Variants in CABCOCO1 observed in about 807,000 individuals in gnomAD.
The protein encoded by CABCOCO1 is ciliary-associated calcium-binding coiled-coil protein 1.
CABCOCO1 carries 28 observed loss-of-function variants against 35.7 expected under a neutral mutation model. The observed-to-expected ratio is 0.78, with a 90% CI of 0.58 to 1.07. The LOEUF (loss-of-function observed/expected upper bound fraction) is 1.07, where lower values mean the gene tolerates loss of function less well. Ranked by LOEUF, CABCOCO1 falls within the 50% of genes least tolerant of loss-of-function variation. CABCOCO1 has a pLI of 0.00. For synonymous variants in CABCOCO1, 95 were observed against 100.1 expected (o/e 0.95, Z 0.30); for missense variants, 326 against 309.2 (o/e 1.05, Z -0.41).
intron 5 of CABCOCO1, among the ~76,000 whole-genome samples, chr10:61,692,492 G>A (rs1840175914): frequency 6.6e-6 from 1 of 152,132 alleles, no homozygotes; most frequent in South Asian, 2.1e-4. Flanking sequence ...ACCAGGGACA[G>A]GAGTGGCCAT....
chr10:61,664,998 A>G (rs1839122417), intron 1 of CABCOCO1, among the ~76,000 whole-genome samples: 1 of 152,180 alleles, frequency 6.6e-6, no homozygotes, highest in African/African-American at 2.4e-5. Context: ...TGTATCCAAA[A>G]TGACTTAGCC....
In CABCOCO1 at chr10:61,687,277, T is replaced by C. The variant is rs537091309; in HGVS notation, c.479+1092T>C. 1.4e-3 allele frequency among the ~76,000 whole-genome samples: 211 copies of C among 152,288 alleles called. 1 individual carries two copies. Among genetic ancestry groups the C allele is most frequent in the Middle Eastern group, 0.014 (4 of 294 alleles). ...AATAAAAGCCAGAGTAGTTTTCATA[T>C]CAATTAAAGCAAAGCAAGGTCCTTG... On this transcript the variant is annotated intron_variant, in intron 4 of 7. Coordinates refer to ENST00000648843, the MANE Select transcript of CABCOCO1 (RefSeq NM_001366906.2).
At chr10:61,726,322 C>T (rs1841148195) in intron 5 of CABCOCO1, among the ~76,000 whole-genome samples, 1 of 152,042 alleles carries the variant, frequency 6.6e-6, no homozygotes, top group Admixed American at 6.6e-5. Flanking sequence ...AAATTATAAA[C>T]TTGTGCATAT....
At chr10:61,677,757 C>T (rs1400812324) in intron 2 of CABCOCO1, among the ~76,000 whole-genome samples, 10 of 142,470 alleles carry the variant, frequency 7.0e-5, no homozygotes, top group African/African-American at 2.6e-4. Flanking sequence ...CATGTGTTCT[C>T]TTTGTTCAAT....
chr10:61,732,162 AT>A (rs2132055443), intron 5 of CABCOCO1, among the ~76,000 whole-genome samples: 1 of 152,184 alleles, frequency 6.6e-6, no homozygotes, highest in African/African-American at 2.4e-5. Flanking sequence ...TGAATTCTTT[AT>A]TGGCATAAAG....
chr10:61,691,821 A>G (rs1840153599), intron 5 of CABCOCO1, among the ~76,000 whole-genome samples: 1 of 151,976 alleles, frequency 6.6e-6, no homozygotes, highest in African/African-American at 2.4e-5. Context: ...AAGGACATGA[A>G]CTCATCCTTT....
At chr10:61,716,845 A>C (rs1367097830) in intron 5 of CABCOCO1, among the ~76,000 whole-genome samples, 1 of 152,096 alleles carries the variant, frequency 6.6e-6, no homozygotes, top group Non-Finnish European at 1.5e-5. Context: ...TAAAATCCAA[A>C]CTTTCTAATA....
intron 1 of CABCOCO1, among the ~76,000 whole-genome samples, chr10:61,666,029 GT>G (rs1443242885): frequency 6.6e-6 from 1 of 152,178 alleles, no homozygotes. Flanking sequence ...CTCTTAAAGT[GT>G]TATCACATCA....
chr10:61,668,387 T>G (rs1034096347), intron 1 of CABCOCO1, among the ~76,000 whole-genome samples: 1 of 152,028 alleles, frequency 6.6e-6, no homozygotes, highest in African/African-American at 2.4e-5. Flanking sequence ...AGTCTGTAAA[T>G]ATTAGACTAA....
At chr10:61,723,912 A>G (rs1161429893) in intron 5 of CABCOCO1, among the ~76,000 whole-genome samples, 4 of 152,236 alleles carry the variant, frequency 2.6e-5, no homozygotes, top group Non-Finnish European at 4.4e-5. Flanking sequence ...TTTAAACTGT[A>G]TAACTATCTG....
In CABCOCO1 at chr10:61,766,210, T is replaced by A; in HGVS notation, c.*197T>A. ...CTCCCATCCCATAACAGCCTCTGAA[T>A]TTATTGCACCAAGTGTAATGAGAAC... On this transcript the variant is annotated 3_prime_UTR_variant, in exon 8 of 8. Transcript: ENST00000648843. 2.2e-6 allele frequency: 1 copy of A among 461,686 alleles called. No homozygotes were observed. Among genetic ancestry groups the A allele is most frequent in the Non-Finnish European group, 3.9e-6 (1 of 256,414 alleles). 28.6% of individuals were successfully genotyped at this position (461,686 alleles called of 1,614,324 possible).
intron 5 of CABCOCO1, among the ~76,000 whole-genome samples, chr10:61,714,837 A>G (rs1195470967): frequency 6.6e-6 from 1 of 152,162 alleles, no homozygotes; most frequent in Non-Finnish European, 1.5e-5. Flanking sequence ...TGAGTTTCCT[A>G]ATCCTAAGTT....
In CABCOCO1 at chr10:61,681,402, A is replaced by G. The variant is rs1589117745; in HGVS notation, c.334+90A>G. On this transcript the variant is annotated intron_variant, in intron 3 of 7. Coordinates refer to ENST00000648843, the MANE Select transcript of CABCOCO1 (RefSeq NM_001366906.2). Reference sequence around the variant, plus strand: ...AGCAAAAGTTACAGATTTTATTGTAATTCCTTTAATGAAAAATACGGGTTT... The same window carrying G: ...AGCAAAAGTTACAGATTTTATTGTAGTTCCTTTAATGAAAAATACGGGTTT... 9.3e-6 allele frequency: 9 copies of G among 968,452 alleles called. No individual in the cohort carries two copies. The South Asian group carries it at 1.6e-4, about 18-fold the overall frequency. The allele number at this position is 968,452 out of a possible 1,614,324, so 60.0% of individuals were successfully genotyped here.
At chr10:61,695,172 AG>A (rs1840262201) in intron 5 of CABCOCO1, among the ~76,000 whole-genome samples, 1 of 151,902 alleles carries the variant, frequency 6.6e-6, no homozygotes, top group African/African-American at 2.4e-5. Context: ...AGATAAAAAA[AG>A]ATTACAATAT....
intron 2 of CABCOCO1, among the ~76,000 whole-genome samples, chr10:61,678,850 G>A (rs1255283377): frequency 2.6e-5 from 4 of 151,978 alleles, no homozygotes; most frequent in Admixed American, 1.3e-4. Context: ...ATGGCAAGGG[G>A]GTGAAATTAG....
intron 5 of CABCOCO1, among the ~76,000 whole-genome samples, chr10:61,691,015 A>G (rs61850473): frequency 0.033 from 5,041 of 152,066 alleles, 119 homozygotes; most frequent in Middle Eastern, 0.054. Context: ...TTTTCATTCT[A>G]CTCATTGTTT....
At chr10:61,753,501 A>C (rs1175067882) in intron 5 of CABCOCO1, among the ~76,000 whole-genome samples, 7 of 152,162 alleles carry the variant, frequency 4.6e-5, no homozygotes, top group African/African-American at 1.7e-4. Flanking sequence ...TTTCATTTTC[A>C]CAAGAGAGAC....
intron 5 of CABCOCO1, among the ~76,000 whole-genome samples, chr10:61,710,637 G>A (rs1396409512): frequency 1.3e-5 from 2 of 151,870 alleles, no homozygotes; most frequent in Non-Finnish European, 1.5e-5. Context: ...ACATAGAAAA[G>A]TGGATACTTT....
intron 5 of CABCOCO1, among the ~76,000 whole-genome samples, chr10:61,751,337 A>G (rs1403750931): frequency 6.6e-6 from 1 of 151,754 alleles, no homozygotes; most frequent in Non-Finnish European, 1.5e-5. Flanking sequence ...TGTGAAGGCA[A>G]GAACATGGAG....
Sources: gnomAD v4.1 joint callset for allele counts (sites outside exome capture counted in the v4.1 genomes callset) on GRCh38, gnomAD v4.1.1 for gene constraint, MANE v1.5 for transcripts, NCBI Gene and HGNC (gene_info 2026-07-23, HGNC 2026-07-21) for gene names.